Variants in TENT2 observed in about 807,000 individuals in gnomAD.
The protein encoded by TENT2 is poly(A) RNA polymerase GLD2.
Under a neutral mutation model 72.2 loss-of-function variants are expected in TENT2, and 44 were observed. That is an observed-to-expected ratio of 0.61 (90% CI 0.48 to 0.78). TENT2 has a LOEUF of 0.78. Ranked by LOEUF, TENT2 falls within the 30% of genes least tolerant of loss-of-function variation. The pLI is 0.00. For missense variants in TENT2, 541 were observed against 569.6 expected, an observed-to-expected ratio of 0.95 and a Z score of 0.51; for synonymous variants, 212 against 192.5, an observed-to-expected ratio of 1.10 and a Z score of -0.84.
intron 4 of TENT2, among the ~76,000 whole-genome samples, chr5:79,625,886 G>C (rs1469207833): frequency 6.6e-6 from 1 of 150,908 alleles, no homozygotes; most frequent in Non-Finnish European, 1.5e-5. Context: ...CTGGAGTGCA[G>C]TGGTGCGATC....
chr5:79,656,212 C>G (rs972925275), intron 10 of TENT2, among the ~76,000 whole-genome samples: 3 of 148,200 alleles, frequency 2.0e-5, no homozygotes, highest in African/African-American at 7.7e-5. Context: ...TTGTTCTTTT[C>G]ATATTAAAAC....
At chr5:79,660,370 G>T (rs1019460100) in intron 11 of TENT2, among the ~76,000 whole-genome samples, 1 of 152,106 alleles carries the variant, frequency 6.6e-6, no homozygotes, top group African/African-American at 2.4e-5. Context: ...TTTAATGCAA[G>T]CATATTACTA....
At chr5:79,644,951 TG>T in intron 7 of TENT2, 171 bp from the exon 8 acceptor site, 1 of 519,714 alleles carries the variant, frequency 1.9e-6, no homozygotes, top group Non-Finnish European at 3.4e-6. Context: ...ATGGTATTAC[TG>T]GAGCCTCCAA....
chr5:79,675,401 C>G (rs781450253), intron 12 of TENT2, among the ~76,000 whole-genome samples: 4 of 152,004 alleles, frequency 2.6e-5, no homozygotes, highest in Non-Finnish European at 5.9e-5. Context: ...GAGTCAGGGA[C>G]ATGTGCAGGT....
chr5:79,641,205 G>A lies in TENT2; in HGVS notation c.672+9G>A. 1 of 1,533,966 alleles carries A rather than the reference G, an allele frequency of 6.5e-7. No individual in the cohort carries two copies. The highest frequency in any genetic ancestry group is 8.7e-7 in the Non-Finnish European group (1 of 1,147,440). ...TTGTTAAGGAAGAACCAGTAAGTAA[G>A]GAAACATTTATTCCAAGTGTGTTTC... On this transcript the variant is annotated intron_variant, in intron 6 of 14. Coordinates refer to ENST00000453514, the MANE Select transcript of TENT2 (RefSeq NM_001114394.3).
At chr5:79,677,219 ATTCTTTT>A (rs1340930837) in intron 12 of TENT2, among the ~76,000 whole-genome samples, 1 of 152,228 alleles carries the variant, frequency 6.6e-6, no homozygotes, top group African/African-American at 2.4e-5. Flanking sequence ...GATTCAAAAT[ATTCTTTT>A]TTCTTTTTGA....
At chr5:79,656,858 A>C in intron 10 of TENT2, 100 bp from the exon 11 acceptor site, 1 of 714,130 alleles carries the variant, frequency 1.4e-6, no homozygotes, top group Non-Finnish European at 2.3e-6. Flanking sequence ...ATTTTAGCAT[A>C]AACCCTTATG....
chr5:79,637,373 T>G (rs1167210933), intron 4 of TENT2, among the ~76,000 whole-genome samples: 1 of 152,200 alleles, frequency 6.6e-6, no homozygotes, highest in Non-Finnish European at 1.5e-5. Flanking sequence ...ATTCCATTTC[T>G]TTCCTCCTGT....
At chr5:79,623,670 T>C in intron 4 of TENT2, 181 bp downstream of exon 4, 1 of 420,398 alleles carries the variant, frequency 2.4e-6, no homozygotes, top group Non-Finnish European at 4.2e-6. Context: ...GCTATTCTTT[T>C]ATAGAAATGC....
intron 12 of TENT2, 69 bp downstream of exon 12, chr5:79,669,097 A>T: frequency 6.7e-7 from 1 of 1,485,358 alleles, no homozygotes; most frequent in Non-Finnish European, 9.1e-7. Flanking sequence ...TATATATATG[A>T]ATACGAATAT....
At chr5:79,640,255 C>CAA (rs35865367) in intron 4 of TENT2, among the ~76,000 whole-genome samples, 2 of 101,752 alleles carry the variant, frequency 2.0e-5, no homozygotes, top group South Asian at 3.3e-4. Flanking sequence ...GACTCCGTCT[C>CAA]AAAAAAAAAA....
chr5:79,621,027 A>G (rs187269098), intron 3 of TENT2, among the ~76,000 whole-genome samples: 3 of 152,152 alleles, frequency 2.0e-5, no homozygotes, highest in African/African-American at 4.8e-5. Context: ...AGATACCACT[A>G]TTACTTAAAA....
chr5:79,623,892 A>G (rs966312999), intron 4 of TENT2, among the ~76,000 whole-genome samples: 1 of 152,218 alleles, frequency 6.6e-6, no homozygotes, highest in Non-Finnish European at 1.5e-5. Flanking sequence ...TAGAGAATCC[A>G]GGAGTCACTG....
At chr5:79,642,188 T>C (rs1213406724) in intron 6 of TENT2, among the ~76,000 whole-genome samples, 1 of 152,108 alleles carries the variant, frequency 6.6e-6, no homozygotes, top group Admixed American at 6.5e-5. Flanking sequence ...TTTTTACTAT[T>C]CATATTATTC....
intron 14 of TENT2, among the ~76,000 whole-genome samples, 155 bp from the exon 15 acceptor site, chr5:79,685,044 T>C (rs1028956022): frequency 6.6e-6 from 1 of 152,106 alleles, no homozygotes; most frequent in African/African-American, 2.4e-5. Context: ...GGTGGCAGAG[T>C]GAGACCTTAT....
intron 14 of TENT2, among the ~76,000 whole-genome samples, chr5:79,684,776 A>G (rs539087746): frequency 1.4e-4 from 21 of 152,266 alleles, no homozygotes; most frequent in Non-Finnish European, 2.8e-4. Flanking sequence ...CCATAAAAAT[A>G]TGGAGTTTTT....
At chr5:79,660,003 A>G (rs898741009) in intron 11 of TENT2, among the ~76,000 whole-genome samples, 2 of 152,170 alleles carry the variant, frequency 1.3e-5, no homozygotes, top group African/African-American at 4.8e-5. Flanking sequence ...GTTCTTTTAA[A>G]TTTCTAGCTT....
intron 14 of TENT2, 83 bp from the exon 15 acceptor site, chr5:79,685,116 A>C: frequency 9.4e-7 from 1 of 1,066,420 alleles, no homozygotes; most frequent in Non-Finnish European, 1.4e-6. Flanking sequence ...AGAGAGAACC[A>C]ACTATTAACA....
intron 12 of TENT2, among the ~76,000 whole-genome samples, chr5:79,674,183 A>G (rs997170532): frequency 1.3e-5 from 2 of 152,196 alleles, no homozygotes; most frequent in African/African-American, 4.8e-5. Flanking sequence ...GGAGTTGGAG[A>G]TCAACCTGAC....
Sources: gnomAD v4.1 joint callset for allele counts (sites outside exome capture counted in the v4.1 genomes callset) on GRCh38, gnomAD v4.1.1 for gene constraint, MANE v1.5 for transcripts, NCBI Gene and HGNC (gene_info 2026-07-23, HGNC 2026-07-21) for gene names.